The following MDGA2 variants were observed in gnomAD, a reference collection of about 807,000 sequenced individuals.
The protein encoded by MDGA2 is MAM domain-containing glycosylphosphatidylinositol anchor protein 2.
Under a neutral mutation model 117.8 loss-of-function variants are expected in MDGA2, and 40 were observed. That is an observed-to-expected ratio of 0.34 (90% CI 0.26 to 0.44). MDGA2 has a LOEUF of 0.44. Ranked by LOEUF, MDGA2 falls within the 20% of genes least tolerant of loss-of-function variation. The pLI, the probability that MDGA2 is intolerant of heterozygous loss-of-function variation, is 1.00. For synonymous variants in MDGA2, 452 were observed against 439.0 expected (o/e 1.03, Z -0.37); for missense variants, 1,123 against 1,250.6 (o/e 0.90, Z 1.54).
intron 8 of MDGA2, among the ~76,000 whole-genome samples, chr14:47,027,170 G>GAA (rs367869351): frequency 0.018 from 2,693 of 147,086 alleles, 75 homozygotes; most frequent in African/African-American, 0.063. Flanking sequence ...TCAAAAAATG[G>GAA]AAAAAAAAAA....
At chr14:47,172,097 G>A (rs542576959) in intron 3 of MDGA2, among the ~76,000 whole-genome samples, 5 of 152,264 alleles carry the variant, frequency 3.3e-5, no homozygotes, top group African/African-American at 9.6e-5. Flanking sequence ...CTGGGGGAGG[G>A]GCACCCACCA....
intron 3 of MDGA2, among the ~76,000 whole-genome samples, chr14:47,175,691 TC>T (rs538544973): frequency 0.024 from 3,576 of 150,284 alleles, 73 homozygotes; most frequent in Middle Eastern, 0.044. Context: ...ACAGCCAATA[TC>T]ATACTGAATG....
intron 1 of MDGA2, among the ~76,000 whole-genome samples, chr14:47,308,502 GTTTT>G (rs68070912): frequency 8.9e-6 from 1 of 112,918 alleles, no homozygotes; most frequent in Non-Finnish European, 1.9e-5. Context: ...CTTTCTGTTA[GTTTT>G]TTTTTTTTTT....
At chr14:47,200,961 G>C (rs2139442163) in intron 3 of MDGA2, 1 of 833,502 alleles carries the variant, frequency 1.2e-6, no homozygotes, top group Non-Finnish European at 2.1e-6. Flanking sequence ...ACTTGTTTCT[G>C]TAGAAATTGC....
intron 5 of MDGA2, among the ~76,000 whole-genome samples, chr14:47,123,571 C>T (rs1306043001): frequency 6.6e-6 from 1 of 151,984 alleles, no homozygotes; most frequent in Non-Finnish European, 1.5e-5. Context: ...CAAGTTTCTT[C>T]TATTTCCTAA....
At chr14:46,891,747 A>G (rs1231523661) in intron 10 of MDGA2, among the ~76,000 whole-genome samples, 1 of 151,610 alleles carries the variant, frequency 6.6e-6, no homozygotes, top group Non-Finnish European at 1.5e-5. Context: ...CAGCACATAT[A>G]TAAAATTCTA....
At chr14:47,550,717 C>T (rs1895565398) in intron 1 of MDGA2, among the ~76,000 whole-genome samples, 1 of 151,960 alleles carries the variant, frequency 6.6e-6, no homozygotes, top group Non-Finnish European at 1.5e-5. Flanking sequence ...TCTTTGTAAA[C>T]ACTGCCCCTG....
intron 3 of MDGA2, among the ~76,000 whole-genome samples, chr14:47,198,096 CTCTAGCTACAGA>C (rs1885354683): frequency 6.6e-6 from 1 of 152,036 alleles, no homozygotes; most frequent in South Asian, 2.1e-4. Flanking sequence ...GTAATTATAT[CTCTAGCTACAGA>C]TCTGTGCATA....
At chr14:46,907,084 C>A (rs1883527289) in intron 10 of MDGA2, among the ~76,000 whole-genome samples, 1 of 149,590 alleles carries the variant, frequency 6.7e-6, no homozygotes, top group Admixed American at 6.7e-5. Flanking sequence ...TCAAGCAATT[C>A]TCCTGCCTCA....
At chr14:47,521,396 T>A (rs1397310535) in intron 1 of MDGA2, among the ~76,000 whole-genome samples, 1 of 152,172 alleles carries the variant, frequency 6.6e-6, no homozygotes, top group East Asian at 1.9e-4. Flanking sequence ...GTTATTTACA[T>A]ATATCTTATT....
intron 1 of MDGA2, among the ~76,000 whole-genome samples, chr14:47,485,023 G>T (rs377303479): frequency 6.6e-6 from 1 of 152,066 alleles, no homozygotes; most frequent in Admixed American, 6.6e-5. Context: ...AGAGTGGGGC[G>T]CTGCTGAAAA....
intron 1 of MDGA2, among the ~76,000 whole-genome samples, chr14:47,583,149 C>T (rs1896259755): frequency 6.6e-6 from 1 of 151,908 alleles, no homozygotes. Flanking sequence ...GGTCTCTATT[C>T]TCACAGAGCT....
intron 1 of MDGA2, among the ~76,000 whole-genome samples, chr14:47,435,818 G>A (rs1468722589): frequency 6.6e-6 from 1 of 152,024 alleles, no homozygotes; most frequent in African/African-American, 2.4e-5. Context: ...AGTGCCCCCT[G>A]GACTTTATGC....
Position 47,096,982 on chromosome 14 carries a change from T to A in MDGA2, c.1067A>T (p.Lys356Met), listed in dbSNP as rs1880010136. ...CAAAGTTCCTCCATTCAAAACAGTC[T>A]TTTCAGGCAGAGTCCCAAAGGACCT... ...WVRSFGTLPE[K>M]TVLNGGTLTI... The change falls in exon 6 of 17, where the codon AAG becomes ATG. Residue 356 changes from lysine to methionine, a missense_variant. Coordinates refer to ENST00000399232, the MANE Select transcript of MDGA2 (RefSeq NM_001113498.3). 12 of 1,613,328 alleles carry A rather than the reference T, an allele frequency of 7.4e-6. No homozygotes were observed. The highest frequency in any genetic ancestry group is 1.0e-5 in the Non-Finnish European group (12 of 1,179,488).
intron 1 of MDGA2, among the ~76,000 whole-genome samples, chr14:47,442,152 G>A (rs1240524415): frequency 6.6e-6 from 1 of 152,122 alleles, no homozygotes; most frequent in African/African-American, 2.4e-5. Flanking sequence ...TAGAGGCAAT[G>A]GAGAGGATAC....
chr14:46,989,926 A>G (rs1035979172), intron 8 of MDGA2, among the ~76,000 whole-genome samples: 2 of 152,158 alleles, frequency 1.3e-5, no homozygotes, highest in African/African-American at 4.8e-5. Flanking sequence ...CATTCAATTT[A>G]TCCATATTAT....
chr14:46,882,958 T>C (rs1369573008), intron 10 of MDGA2, among the ~76,000 whole-genome samples: 1 of 151,936 alleles, frequency 6.6e-6, no homozygotes, highest in Non-Finnish European at 1.5e-5. Flanking sequence ...GTGATTGTAA[T>C]ATGTTAAAAG....
chr14:47,474,713 C>G (rs1259661266), intron 1 of MDGA2, among the ~76,000 whole-genome samples: 1 of 152,082 alleles, frequency 6.6e-6, no homozygotes, highest in Admixed American at 6.6e-5. Context: ...TCCGACAACC[C>G]TGACAAAAAC....
chr14:47,653,497 A>G (rs564298367), intron 1 of MDGA2, among the ~76,000 whole-genome samples: 1 of 152,294 alleles, frequency 6.6e-6, no homozygotes, highest in South Asian at 2.1e-4. Flanking sequence ...TGAGAAAGCC[A>G]ATGGAAAATG....
Sources: allele counts gnomAD v4.1 joint callset (sites outside exome capture counted in the v4.1 genomes callset), GRCh38; gene constraint gnomAD v4.1.1; transcripts MANE v1.5; gene names NCBI Gene and HGNC (gene_info 2026-07-23, HGNC 2026-07-21).